The following KCNIP1 variants were observed in gnomAD, a reference collection of about 807,000 sequenced individuals.
KCNIP1 encodes the protein A-type potassium channel modulatory protein KCNIP1.
In KCNIP1, 18 loss-of-function variants were observed where a neutral mutation model predicts 33.0. That is an observed-to-expected ratio of 0.55 (90% CI 0.38 to 0.81). The LOEUF is 0.81. KCNIP1 is among the 30% of genes least tolerant of loss of function. KCNIP1 has a pLI of 0.00. For synonymous variants in KCNIP1, 93 were observed against 98.3 expected, an observed-to-expected ratio of 0.95 and a Z score of 0.32; for missense variants, 238 against 271.6, an observed-to-expected ratio of 0.88 and a Z score of 0.87.
chr5:170,658,297 G>A (rs1761347175), intron 1 of KCNIP1, among the ~76,000 whole-genome samples: 1 of 152,152 alleles, frequency 6.6e-6, no homozygotes, highest in Admixed American at 6.5e-5. Context: ...CTTGCTGGGG[G>A]CAGGTACTCC....
chr5:170,504,021 A>T lies in KCNIP1; in HGVS notation c.-552A>T. 3 of 978,338 alleles carry T rather than the reference A, an allele frequency of 3.1e-6. No individual in the cohort carries two copies. Among genetic ancestry groups the T allele is most frequent in the Non-Finnish European group, 3.6e-6 (3 of 826,586 alleles). The allele number at this position is 978,338 out of a possible 1,614,324, so 60.6% of individuals were successfully genotyped here. A position where few individuals can be genotyped will look rare whatever the true frequency, so the allele number is the denominator to read the frequency against. On this transcript the variant is annotated 5_prime_UTR_variant, in exon 1 of 8. Transcript: ENST00000328939. The surrounding 1 kb of genome is among the most constrained non-coding windows in gnomAD (Gnocchi z 6.0). ...CTCCGCCGCCCCCTCCGCCGCTCCG[A>T]CTCTCGCCCCGAGCGCTGGCAGCAG...
intron 1 of KCNIP1, among the ~76,000 whole-genome samples, chr5:170,415,716 T>C (rs1304744510): frequency 6.6e-6 from 1 of 152,190 alleles, no homozygotes; most frequent in Non-Finnish European, 1.5e-5. Context: ...CCCTCTCCCC[T>C]GGGCTATGAG....
At chr5:170,704,591 C>T (rs1015238741) in intron 1 of KCNIP1, among the ~76,000 whole-genome samples, 2 of 152,126 alleles carry the variant, frequency 1.3e-5, no homozygotes, top group African/African-American at 4.8e-5. Context: ...AATCTAGGCT[C>T]TGTCTTGAAG....
At chr5:170,550,637 T>G (rs539978848) in intron 1 of KCNIP1, among the ~76,000 whole-genome samples, 6 of 152,094 alleles carry the variant, frequency 3.9e-5, no homozygotes, top group Non-Finnish European at 7.4e-5. Context: ...ATGATGGTGA[T>G]GACAATGATG....
intron 1 of KCNIP1, chr5:170,378,711 T>A: frequency 2.5e-6 from 4 of 1,610,144 alleles, no homozygotes; most frequent in Non-Finnish European, 3.4e-6. Flanking sequence ...GCTCTACTTC[T>A]GGGCCGCCAG....
chr5:170,694,430 G>A (rs1339396854), intron 1 of KCNIP1, among the ~76,000 whole-genome samples: 1 of 151,978 alleles, frequency 6.6e-6, no homozygotes, highest in Non-Finnish European at 1.5e-5. Context: ...CACTTTCTAA[G>A]CATCAGGACC....
intron 1 of KCNIP1, among the ~76,000 whole-genome samples, chr5:170,444,280 G>C (rs1319201607): frequency 6.6e-6 from 1 of 152,090 alleles, no homozygotes; most frequent in Non-Finnish European, 1.5e-5. Flanking sequence ...CCAGTGTCTA[G>C]AGGCTGACCC....
At chr5:170,476,970 T>C (rs1471944492) in intron 1 of KCNIP1, among the ~76,000 whole-genome samples, 1 of 152,166 alleles carries the variant, frequency 6.6e-6, no homozygotes, top group East Asian at 1.9e-4. Context: ...TGGGTGGTAA[T>C]AATGTGTTAA....
At chr5:170,452,504 G>C (rs1756278963) in intron 1 of KCNIP1, among the ~76,000 whole-genome samples, 1 of 152,172 alleles carries the variant, frequency 6.6e-6, no homozygotes, top group African/African-American at 2.4e-5. Flanking sequence ...TCCAGAGAGG[G>C]ATGTTAGGCC....
At chr5:170,417,716 C>T (rs148887916) in intron 1 of KCNIP1, among the ~76,000 whole-genome samples, 25 of 152,290 alleles carry the variant, frequency 1.6e-4, no homozygotes, top group African/African-American at 4.6e-4. Flanking sequence ...TTTCTCTATA[C>T]GCCACTGACA....
intron 1 of KCNIP1, among the ~76,000 whole-genome samples, chr5:170,594,424 C>T (rs1337202915): frequency 6.6e-6 from 1 of 152,164 alleles, no homozygotes; most frequent in African/African-American, 2.4e-5. Flanking sequence ...GTTACAAGAG[C>T]AGCACTTCAT....
At chr5:170,359,775 A>G (rs940270822) in intron 1 of KCNIP1, among the ~76,000 whole-genome samples, 4 of 152,112 alleles carry the variant, frequency 2.6e-5, no homozygotes, top group African/African-American at 9.7e-5. Flanking sequence ...CAGGCCCAGC[A>G]TTCCCTGACC....
At chr5:170,598,896 T>TGC (rs1554103618) in intron 1 of KCNIP1, among the ~76,000 whole-genome samples, 1 of 121,382 alleles carries the variant, frequency 8.2e-6, no homozygotes, top group Non-Finnish European at 1.8e-5. Flanking sequence ...CCGCTGTGTG[T>TGC]GTGTGCGCGT....
chr5:170,713,139 C>A (rs967288264), intron 1 of KCNIP1, among the ~76,000 whole-genome samples: 4 of 152,224 alleles, frequency 2.6e-5, no homozygotes, highest in Admixed American at 2.6e-4. Flanking sequence ...AGCCCATTTG[C>A]AGCTCAAGTG....
intron 1 of KCNIP1, among the ~76,000 whole-genome samples, chr5:170,637,213 G>C (rs1760319798): frequency 6.6e-6 from 1 of 151,988 alleles, no homozygotes; most frequent in African/African-American, 2.4e-5. Context: ...AGTCCCACAG[G>C]CCCAGAACCA....
At chr5:170,677,279 G>C (rs898598062) in intron 1 of KCNIP1, among the ~76,000 whole-genome samples, 5 of 152,182 alleles carry the variant, frequency 3.3e-5, no homozygotes, top group Non-Finnish European at 7.3e-5. Context: ...AGCTAAGTAG[G>C]AGGCAGAGTT....
chr5:170,722,187 T>G (rs758738779), intron 4 of KCNIP1, among the ~76,000 whole-genome samples: 1 of 152,174 alleles, frequency 6.6e-6, no homozygotes, highest in Non-Finnish European at 1.5e-5. Flanking sequence ...TTGTATGTAT[T>G]AATTCATTTA....
intron 5 of KCNIP1, among the ~76,000 whole-genome samples, chr5:170,732,403 T>C (rs1764237975): frequency 6.6e-6 from 1 of 152,242 alleles, no homozygotes; most frequent in South Asian, 2.1e-4. Flanking sequence ...TTGGTTCATT[T>C]TTCTTAACTG....
chr5:170,636,823 GA>G (rs1760303138), intron 1 of KCNIP1, among the ~76,000 whole-genome samples: 1 of 152,094 alleles, frequency 6.6e-6, no homozygotes, highest in African/African-American at 2.4e-5. Context: ...CCACATTACT[GA>G]CCACCCAATA....
Sources: allele counts gnomAD v4.1 joint callset (sites outside exome capture counted in the v4.1 genomes callset), GRCh38; gene constraint gnomAD v4.1.1; non-coding constraint Gnocchi (gnomAD v3.1); transcripts MANE v1.5; gene names NCBI Gene and HGNC (gene_info 2026-07-23, HGNC 2026-07-21).